Variants in FTO observed in about 807,000 individuals in gnomAD.
FTO encodes the protein alpha-ketoglutarate-dependent dioxygenase FTO.
A neutral mutation model predicts 63.9 loss-of-function variants in FTO; 47 were observed. The ratio of observed to expected loss-of-function variants is 0.74; its 90% CI spans 0.58 to 0.94. The LOEUF is 0.94. FTO is among the 40% of genes least tolerant of loss of function. FTO has a pLI of 0.00. For missense variants in FTO, 562 were observed against 618.1 expected (o/e 0.91, Z 0.96); for synonymous variants, 207 against 224.4 (o/e 0.92, Z 0.69).
intron 7 of FTO, among the ~76,000 whole-genome samples, chr16:53,922,374 A>G (rs1226178781): frequency 6.6e-6 from 1 of 152,194 alleles, no homozygotes; most frequent in East Asian, 1.9e-4. Context: ...CAGTGGAGCA[A>G]TTATAATCCT....
At chr16:53,704,082 C>T, upstream of FTO, 2 of 1,212,030 alleles carry the variant, frequency 1.7e-6, no homozygotes, top group Admixed American at 2.0e-5. Flanking sequence ...GGGAGAATAG[C>T]TCCAGACGGG....
intron 7 of FTO, among the ~76,000 whole-genome samples, chr16:53,925,846 G>A (rs986791766): frequency 3.3e-5 from 5 of 152,152 alleles, no homozygotes; most frequent in East Asian, 1.9e-4. Context: ...AATTGAATCC[G>A]TTCAGAATTG....
chr16:53,974,847 TCTC>T (rs1245127400), intron 8 of FTO, among the ~76,000 whole-genome samples: 1 of 152,024 alleles, frequency 6.6e-6, no homozygotes, highest in Non-Finnish European at 1.5e-5. Context: ...GATGAAATAA[TCTC>T]CTCAAGTTAC....
chr16:53,937,117 G>A (rs946291847), intron 8 of FTO: 2 of 397,090 alleles, frequency 5.0e-6, no homozygotes, highest in Admixed American at 4.4e-5. Context: ...AACCGAGTTT[G>A]TCACAGTGTC....
rs538510666 is a variant in FTO at position 53,874,822 on chromosome 16, T to TTTC, written c.975+959_975+961dup. Among the ~76,000 whole-genome samples the TTTC allele has an allele frequency of 9.2e-5, 14 of 152,328 alleles. No homozygotes were observed. In the East Asian group the frequency reaches 2.3e-3, roughly 25 times the overall value. Reference sequence around the variant, plus strand: ...AGCCCATCCAGCACCTCTTTCTTCCTTTCTCCCCTTTCTTCTCTTTTCCAT... The same window carrying TTTC: ...AGCCCATCCAGCACCTCTTTCTTCCTTTCTTCTCCCCTTTCTTCTCTTTTCCAT... On this transcript the variant is annotated intron_variant, in intron 5 of 8. Coordinates refer to ENST00000471389, the MANE Select transcript of FTO (RefSeq NM_001080432.3).
At chr16:53,842,969 C>T (rs748057813) in intron 3 of FTO, among the ~76,000 whole-genome samples, 10 of 152,200 alleles carry the variant, frequency 6.6e-5, no homozygotes, top group African/African-American at 1.9e-4. Context: ...GCCACTGCGC[C>T]CAGTCTGTAC....
chr16:54,015,061 C>T (rs938110601), intron 8 of FTO, among the ~76,000 whole-genome samples: 3 of 151,406 alleles, frequency 2.0e-5, no homozygotes, highest in East Asian at 3.9e-4. Flanking sequence ...TGGTCTCACT[C>T]TAGGTCTTGC....
chr16:53,880,090 G>A (rs763093500), intron 6 of FTO, 103 bp downstream of exon 6: 2 of 824,482 alleles, frequency 2.4e-6, no homozygotes, highest in Non-Finnish European at 3.9e-6. Flanking sequence ...CATCTCCCAG[G>A]TTCAAGTGAT....
intron 8 of FTO, among the ~76,000 whole-genome samples, chr16:54,089,355 C>A (rs1034691238): frequency 6.6e-6 from 1 of 152,186 alleles, no homozygotes; most frequent in South Asian, 2.1e-4. Context: ...TTGAGAATGG[C>A]AGAGATAGGG....
chr16:53,959,244 C>T (rs368043928), intron 8 of FTO, among the ~76,000 whole-genome samples: 1 of 152,164 alleles, frequency 6.6e-6, no homozygotes, highest in Admixed American at 6.5e-5. Flanking sequence ...GGTTCCAGAG[C>T]CCATGCTCTA....
At chr16:54,079,037 G>T (rs1222412626) in intron 8 of FTO, among the ~76,000 whole-genome samples, 1 of 151,954 alleles carries the variant, frequency 6.6e-6, no homozygotes. Context: ...TTTTTCAATA[G>T]TTAAGAAAAT....
intron 1 of FTO, among the ~76,000 whole-genome samples, chr16:53,715,727 T>C (rs184137441): frequency 8.2e-4 from 125 of 152,368 alleles, no homozygotes; most frequent in Non-Finnish European, 1.5e-3. Context: ...TTGGGAACTT[T>C]GTAAAATTCC....
chr16:54,098,795 C>G (rs1049849485), intron 8 of FTO, among the ~76,000 whole-genome samples: 2 of 152,206 alleles, frequency 1.3e-5, no homozygotes, highest in African/African-American at 4.8e-5. Context: ...TCGTTACTTA[C>G]ATGACTGCTA....
intron 8 of FTO, among the ~76,000 whole-genome samples, chr16:54,076,510 C>T (rs1395545826): frequency 6.6e-6 from 1 of 152,094 alleles, no homozygotes; most frequent in East Asian, 1.9e-4. Flanking sequence ...GATCTATACC[C>T]CCGTTGAAAC....
At chr16:53,957,120 C>G (rs977805855) in intron 8 of FTO, among the ~76,000 whole-genome samples, 2 of 152,154 alleles carry the variant, frequency 1.3e-5, no homozygotes, top group African/African-American at 4.8e-5. Context: ...CAATTGAGGG[C>G]ATATCCCAAT....
intron 8 of FTO, among the ~76,000 whole-genome samples, chr16:53,945,088 G>T (rs548993101): frequency 6.6e-6 from 1 of 152,262 alleles, no homozygotes; most frequent in Admixed American, 6.5e-5. Flanking sequence ...CTACGCCTTA[G>T]CAACTTTATG....
In FTO at chr16:54,112,195, C is replaced by G. The variant is rs1320444975; in HGVS notation, c.*280C>G. 4.6e-6 allele frequency: 2 copies of G among 436,810 alleles called. No individual in the cohort carries two copies. Among genetic ancestry groups the G allele is most frequent in the Non-Finnish European group, 8.5e-6 (2 of 235,266 alleles). The allele number at this position is 436,810 out of a possible 1,614,324, so 27.1% of individuals were successfully genotyped here. On this transcript the variant is annotated 3_prime_UTR_variant, in exon 9 of 9. Coordinates refer to ENST00000471389, the MANE Select transcript of FTO (RefSeq NM_001080432.3). ...TTCAGCCCCCAAGGTCCAGGGCAGG[C>G]GACAGGAACGAGCCCAGCGTGTGAC...
chr16:53,889,254 G>A (rs529465273), intron 7 of FTO, among the ~76,000 whole-genome samples: 31 of 152,292 alleles, frequency 2.0e-4, no homozygotes, highest in African/African-American at 7.0e-4. Context: ...TATGCATCAG[G>A]TGCTACTCTG....
intron 5 of FTO, among the ~76,000 whole-genome samples, chr16:53,875,354 T>G (rs985350928): frequency 2.6e-5 from 4 of 152,142 alleles, no homozygotes; most frequent in African/African-American, 9.7e-5. Flanking sequence ...TACAAAATGA[T>G]AAATAAAAAG....
Sources: gnomAD v4.1 joint callset for allele counts (sites outside exome capture counted in the v4.1 genomes callset) on GRCh38, gnomAD v4.1.1 for gene constraint, MANE v1.5 for transcripts, NCBI Gene and HGNC (gene_info 2026-07-23, HGNC 2026-07-21) for gene names.